TGFBRAP1: variants seen among roughly 807,000 people sequenced by gnomAD.
TGFBRAP1 encodes the protein transforming growth factor-beta receptor-associated protein 1.
A neutral mutation model predicts 83.2 loss-of-function variants in TGFBRAP1; 20 were observed. The ratio of observed to expected loss-of-function variants is 0.24; its 90% CI spans 0.17 to 0.35. The LOEUF (loss-of-function observed/expected upper bound fraction) is 0.35. TGFBRAP1 is among the 10% of genes least tolerant of loss of function. The pLI, the probability that TGFBRAP1 is intolerant of heterozygous loss-of-function variation, is 1.00. For missense variants in TGFBRAP1, 950 were observed against 1,099.4 expected (o/e 0.86, Z 1.92); for synonymous variants, 415 against 459.8 (o/e 0.90, Z 1.25).
chr2:105,298,280 C>G lies in TGFBRAP1; in HGVS notation c.883+231G>C, dbSNP rs558117151. ...TCTAGGAAATACTTTCTCCTCTGCT[C>G]TCACAATGGGCCTTATTCCATCGTG... On this transcript the variant is annotated intron_variant, in intron 3 of 11. Coordinates refer to ENST00000393359, the MANE Select transcript of TGFBRAP1 (RefSeq NM_004257.6). Among the ~76,000 whole-genome samples, 15 of 152,310 alleles carry G rather than the reference C, an allele frequency of 9.8e-5. No homozygotes were observed. In the South Asian group the frequency reaches 2.9e-3, roughly 29 times the overall value.
Position 105,269,850 on chromosome 2 carries a change from G to T in TGFBRAP1, c.1973-145C>A. 1.1e-6 allele frequency: 1 copy of T among 872,258 alleles called. No individual in the cohort carries two copies. The highest frequency in any genetic ancestry group is 1.7e-6 in the Non-Finnish European group (1 of 600,618). 54.0% of individuals were successfully genotyped at this position (872,258 alleles called of 1,614,324 possible). A position where few individuals can be genotyped will look rare whatever the true frequency, so the allele number is the denominator to read the frequency against. The stretch of plus-strand genomic sequence containing the variant: ...GCCAAATGCTGCCACCCAGATGACT[G>T]AGGGTAGGTTTTCTTGCATTTTCAC... On this transcript the variant is annotated intron_variant, in intron 10 of 11. Transcript: ENST00000393359. The surrounding 1 kb of genome is among the most constrained non-coding windows in gnomAD (Gnocchi z 4.1).
chr2:105,272,295 A>C (rs372523922), intron 10 of TGFBRAP1, among the ~76,000 whole-genome samples: 175 of 152,346 alleles, frequency 1.1e-3, no homozygotes, highest in African/African-American at 4.0e-3. Context: ...CTTCTTGCTT[A>C]GAGCTCGAGG....
In TGFBRAP1 at chr2:105,308,015, T is replaced by G. The variant is rs764738476; in HGVS notation, c.287A>C (p.Asp96Ala). Reference sequence around the variant, plus strand: ...CATGTTGACCAGGCTGATGGAGTTGTCACACAGCACCAGCAGCCTGTTGAG... The same window carrying G: ...CATGTTGACCAGGCTGATGGAGTTGGCACACAGCACCAGCAGCCTGTTGAG... ...SALNRLLVLCDNSISLVNMLN... is the reference protein window; with the variant it reads ...SALNRLLVLCANSISLVNMLN... The change falls in exon 2 of 12, where the codon GAC becomes GCC. Residue 96 changes from aspartate to alanine, a missense_variant. Asp to Ala is a moderately radical substitution (Grantham distance 126). Transcript: ENST00000393359. 1.9e-6 allele frequency: 3 copies of G among 1,614,194 alleles called. No homozygotes were observed. Among genetic ancestry groups the G allele is most frequent in the Non-Finnish European group, 2.5e-6 (3 of 1,180,048 alleles).
rs774096145 is a variant in TGFBRAP1 at position 105,307,996 on chromosome 2, G to T, written c.306C>A (p.Val102=). The T allele has an allele frequency of 1.2e-6, 2 of 1,614,134 alleles. No homozygotes were observed. Among genetic ancestry groups the T allele is most frequent in the Admixed American group, 1.7e-5 (1 of 60,014 alleles). ...LVLCDNSISL[V]NMLNLEPVPS... ...GCACTGGCTCGAGGTTCAGCATGTTGACCAGGCTGATGGAGTTGTCACACA... is the reference window on the plus strand; with the variant it reads ...GCACTGGCTCGAGGTTCAGCATGTTTACCAGGCTGATGGAGTTGTCACACA... Residue 102 remains valine, a synonymous_variant, in exon 2 of 12, where the codon GTC becomes GTA. Coordinates refer to ENST00000393359, the MANE Select transcript of TGFBRAP1 (RefSeq NM_004257.6).
chr2:105,250,684 C>T, the TGFBRAP1 span, among the ~76,000 whole-genome samples: 3 of 151,598 alleles, frequency 2.0e-5, no homozygotes, highest in East Asian at 1.9e-4. Flanking sequence ...TCTCTTTCCA[C>T]GGTCTCCCCC....
At chr2:105,317,189 AGCACT>A (rs1678911915) in intron 1 of TGFBRAP1, among the ~76,000 whole-genome samples, 1 of 152,132 alleles carries the variant, frequency 6.6e-6, no homozygotes, top group Non-Finnish European at 1.5e-5. Context: ...CTGTAATCCC[AGCACT>A]CTGGGAGGCC....
In TGFBRAP1 at chr2:105,308,072, T is replaced by G; in HGVS notation, c.230A>C (p.Lys77Thr). ...GGCCGCACGCAGCTCGTTCACGGGC[T>G]TCTTGAAGCCCAAGTGTCTCTGCAG... is the stretch of plus-strand genomic sequence containing the variant. Reference protein sequence around the residue: ...KQLQRHLGFKKPVNELRAASA... With the variant: ...KQLQRHLGFKTPVNELRAASA... The change falls in exon 2 of 12, where the codon AAG (lysine) becomes ACG (threonine). Residue 77 changes from lysine to threonine, a missense_variant. Transcript: ENST00000393359. 6.2e-7 allele frequency: 1 copy of G among 1,613,820 alleles called. No homozygotes were observed. Among genetic ancestry groups the G allele is most frequent in the African/African-American group, 1.3e-5 (1 of 75,054 alleles).
the TGFBRAP1 span, among the ~76,000 whole-genome samples, chr2:105,250,500 A>G: frequency 1.3e-5 from 2 of 152,040 alleles, no homozygotes; most frequent in African/African-American, 2.4e-5. Context: ...GGAGGAATAT[A>G]TTTCTCATTT....
chr2:105,313,923 T>C (rs548859823), intron 1 of TGFBRAP1, among the ~76,000 whole-genome samples: 1 of 152,310 alleles, frequency 6.6e-6, no homozygotes, highest in African/African-American at 2.4e-5. Flanking sequence ...ATCTGCCATC[T>C]GTTATGGGTT....
chr2:105,266,174 T>C lies in TGFBRAP1; in HGVS notation c.*1209A>G, dbSNP rs563243886. ...TGTGATGAAGGAGAGGCCGTTGCTGTGTGTTCAGGACACCTCAGAGCAGGC... is the reference window on the plus strand; with the variant it reads ...TGTGATGAAGGAGAGGCCGTTGCTGCGTGTTCAGGACACCTCAGAGCAGGC... On this transcript the variant is annotated 3_prime_UTR_variant, in exon 12 of 12. Transcript: ENST00000393359. The C allele has an allele frequency of 3.9e-4, 59 of 152,342 alleles. No homozygotes were observed. The highest frequency in any genetic ancestry group is 1.4e-3 in the African/African-American group (59 of 41,576). 9.4% of individuals were successfully genotyped at this position (152,342 alleles called of 1,614,324 possible).
chr2:105,286,177 T>C (rs1225570487), intron 4 of TGFBRAP1, among the ~76,000 whole-genome samples: 2 of 152,180 alleles, frequency 1.3e-5, no homozygotes, highest in African/African-American at 4.8e-5. Flanking sequence ...AATAAGGGGT[T>C]ATTTTCTATA....
intron 5 of TGFBRAP1, among the ~76,000 whole-genome samples, chr2:105,283,201 T>C (rs1032203172): frequency 1.3e-5 from 2 of 152,194 alleles, no homozygotes; most frequent in Non-Finnish European, 2.9e-5. Flanking sequence ...GAGAACAGCA[T>C]GTAAGAGTTG....
At chr2:105,252,055 C>T in the TGFBRAP1 span, among the ~76,000 whole-genome samples, 1 of 151,044 alleles carries the variant, frequency 6.6e-6, no homozygotes, top group Non-Finnish European at 1.5e-5. Flanking sequence ...CCTTTGTTCA[C>T]TTATCTGCTG....
At chr2:105,262,732 C>A (rs911880553), downstream of TGFBRAP1, among the ~76,000 whole-genome samples, 1 of 152,168 alleles carries the variant, frequency 6.6e-6, no homozygotes, top group Non-Finnish European at 1.5e-5. Flanking sequence ...CTTCTTGCCA[C>A]GTGATCTCAT....
intron 1 of TGFBRAP1, among the ~76,000 whole-genome samples, chr2:105,328,969 T>C (rs1180578068): frequency 1.3e-5 from 2 of 152,056 alleles, no homozygotes; most frequent in East Asian, 1.9e-4. Context: ...CAGAAGGCAA[T>C]GGAAAGAAAA....
intron 8 of TGFBRAP1, among the ~76,000 whole-genome samples, chr2:105,274,794 A>G (rs1351474703): frequency 6.6e-6 from 1 of 152,246 alleles, no homozygotes; most frequent in African/African-American, 2.4e-5. Context: ...CTCAGGTCTT[A>G]GAAAGGCAGA....
At chr2:105,257,993 C>CATGA in the TGFBRAP1 span, among the ~76,000 whole-genome samples, 43 of 152,322 alleles carry the variant, frequency 2.8e-4, no homozygotes, top group East Asian at 5.8e-4. Context: ...TAATTGAACA[C>CATGA]ATGAATGAAT....
chr2:105,287,646 G>A (rs1677764410), intron 4 of TGFBRAP1, among the ~76,000 whole-genome samples: 1 of 152,168 alleles, frequency 6.6e-6, no homozygotes, highest in Non-Finnish European at 1.5e-5. Flanking sequence ...GATTAAGAGA[G>A]TGCAGCTGGG....
intron 1 of TGFBRAP1, among the ~76,000 whole-genome samples, chr2:105,328,611 G>T (rs776196502): frequency 1.1e-4 from 16 of 152,118 alleles, no homozygotes; most frequent in Non-Finnish European, 1.9e-4. Context: ...AACGCAGTAG[G>T]ATCTTCCCTG....
Sources: allele counts gnomAD v4.1 joint callset (sites outside exome capture counted in the v4.1 genomes callset), GRCh38; gene constraint gnomAD v4.1.1; non-coding constraint Gnocchi (gnomAD v3.1); transcripts MANE v1.5; gene names NCBI Gene and HGNC (gene_info 2026-07-23, HGNC 2026-07-21).